The following UTRN variants were observed in gnomAD, a reference collection of about 807,000 sequenced individuals.
UTRN encodes utrophin.
UTRN carries 283 observed loss-of-function variants against 463.9 expected under a neutral mutation model. That is an observed-to-expected ratio of 0.61 (90% CI 0.55 to 0.67). UTRN has a LOEUF of 0.67. UTRN is among the 30% of genes least tolerant of loss of function. The probability of loss-of-function intolerance (pLI) is 0.00; values close to 1 mark genes in which losing one functional copy is unlikely to be tolerated. For synonymous variants in UTRN, 1,442 were observed against 1,431.5 expected (o/e 1.01, Z -0.17); for missense variants, 3,922 against 4,084.3 (o/e 0.96, Z 1.08).
chr6:144,344,801 G>A (rs761746834), intron 2 of UTRN, among the ~76,000 whole-genome samples: 1 of 152,196 alleles, frequency 6.6e-6, no homozygotes, highest in Admixed American at 6.5e-5. Flanking sequence ...TGTACTTTGG[G>A]GGACAGTATG....
intron 53 of UTRN, among the ~76,000 whole-genome samples, chr6:144,723,075 A>T (rs549217382): frequency 6.6e-6 from 1 of 152,244 alleles, no homozygotes; most frequent in East Asian, 1.9e-4. Flanking sequence ...GGGTTACCTC[A>T]TGGGTGAGAA....
chr6:144,499,339 G>A lies in UTRN; in HGVS notation c.4676G>A (p.Trp1559Ter). The change falls in exon 34 of 75, where the codon TGG becomes TAG. Residue 1559 changes from tryptophan to a stop codon, truncating the protein, a stop_gained. Coordinates refer to ENST00000367545, the MANE Select transcript of UTRN (RefSeq NM_007124.3). LOFTEE classifies it high-confidence loss of function. ...MKKEAASLSE[W>*]LSATETELVQ... is the part of the protein sequence containing the mutation. ...AAAGAGGCTGCTTCTCTCTCTGAAT[G>A]GCTTTCTGCTACTGAAACTGAATTG... 1 of 1,613,772 alleles carries A rather than the reference G, an allele frequency of 6.2e-7. No individual in the cohort carries two copies. Among genetic ancestry groups the A allele is most frequent in the Non-Finnish European group, 8.5e-7 (1 of 1,179,820 alleles).
In UTRN at chr6:144,485,005, C is replaced by T. The variant is rs559883499; in HGVS notation, c.3688-380C>T. On this transcript the variant is annotated intron_variant, in intron 27 of 74. Transcript: ENST00000367545. ...TCTCAGCTCACCGCAACCTCCGCCT[C>T]CCGGGTTCACGCCATTCTCCTGCCT... Among the ~76,000 whole-genome samples, 4 of 152,132 alleles carry T rather than the reference C, an allele frequency of 2.6e-5. No homozygotes were observed. The South Asian group carries it at 6.2e-4, about 24-fold the overall frequency.
intron 58 of UTRN, among the ~76,000 whole-genome samples, chr6:144,766,787 G>C (rs1371963958): frequency 2.0e-5 from 3 of 150,880 alleles, no homozygotes; most frequent in Non-Finnish European, 4.4e-5. Context: ...TTGAGGTAGG[G>C]GTGTGTGTGT....
intron 23 of UTRN, among the ~76,000 whole-genome samples, chr6:144,470,903 G>T (rs2128567399): frequency 6.6e-6 from 1 of 151,836 alleles, no homozygotes; most frequent in East Asian, 1.9e-4. Flanking sequence ...GCGCGCACCT[G>T]CGATCCCAGG....
intron 51 of UTRN, chr6:144,583,644 TCTA>T (rs1164249523): frequency 5.3e-6 from 3 of 561,434 alleles, no homozygotes; most frequent in Non-Finnish European, 6.6e-6. Context: ...GTCTGACAGT[TCTA>T]CTGTTTCTCA....
intron 58 of UTRN, among the ~76,000 whole-genome samples, chr6:144,768,953 G>T (rs66462017): frequency 0.27 from 27,787 of 101,416 alleles, 4,184 homozygotes; most frequent in African/African-American, 0.55. Flanking sequence ...TTTTTGTTTT[G>T]TTTTGTTTTT....
intron 2 of UTRN, among the ~76,000 whole-genome samples, chr6:144,294,939 G>A (rs1804553704): frequency 2.0e-5 from 3 of 152,166 alleles, no homozygotes; most frequent in Admixed American, 2.0e-4. Context: ...GGGTTTGGGT[G>A]AGTGTTAGAA....
chr6:144,331,191 A>G (rs1480027221), intron 2 of UTRN, among the ~76,000 whole-genome samples: 1 of 152,192 alleles, frequency 6.6e-6, no homozygotes, highest in Non-Finnish European at 1.5e-5. Context: ...TTTTTTCTAA[A>G]TAATGTCATG....
intron 61 of UTRN, among the ~76,000 whole-genome samples, chr6:144,784,642 T>C (rs1194739406): frequency 6.6e-6 from 1 of 152,236 alleles, no homozygotes; most frequent in Non-Finnish European, 1.5e-5. Context: ...CATATGCTCT[T>C]TTCACTGGAC....
At chr6:144,411,597 A>G (rs566230791) in intron 3 of UTRN, among the ~76,000 whole-genome samples, 9 of 152,206 alleles carry the variant, frequency 5.9e-5, no homozygotes, top group Non-Finnish European at 1.3e-4. Flanking sequence ...TGTCTGTATG[A>G]CTTGTGATTC....
intron 3 of UTRN, among the ~76,000 whole-genome samples, chr6:144,415,382 C>A (rs1784278719): frequency 6.6e-6 from 1 of 152,184 alleles, no homozygotes; most frequent in Non-Finnish European, 1.5e-5. Context: ...TGATCTATCT[C>A]TCTACTGGAA....
intron 2 of UTRN, among the ~76,000 whole-genome samples, chr6:144,395,861 T>C (rs1237864371): frequency 1.3e-5 from 2 of 152,198 alleles, no homozygotes; most frequent in Non-Finnish European, 2.9e-5. Flanking sequence ...GCTATACATT[T>C]TTTTTTAAAG....
rs188339134 is a variant in UTRN at position 144,757,494 on chromosome 6, T to C, written c.8435-435T>C. Among the ~76,000 whole-genome samples the C allele has an allele frequency of 1.2e-3, 181 of 152,234 alleles. 1 individual carries two copies. Among genetic ancestry groups the C allele is most frequent in the Non-Finnish European group, 3.2e-4 (22 of 67,958 alleles). On this transcript the variant is annotated intron_variant, in intron 57 of 74. Coordinates refer to ENST00000367545, the MANE Select transcript of UTRN (RefSeq NM_007124.3). ...TCAATAGCTACTCCTGTGACTACGA[T>C]GCAAAGTAAACAATGTTATTAGTCA...
At chr6:144,774,190 T>C in intron 59 of UTRN, 100 bp from the exon 60 acceptor site, 1 of 1,158,976 alleles carries the variant, frequency 8.6e-7, no homozygotes, top group Non-Finnish European at 1.2e-6. Context: ...CAGGCAAACA[T>C]AATATTTTTT....
Position 144,429,564 on chromosome 6 carries a change from T to C in UTRN, c.695-17T>C, listed in dbSNP as rs1262202435. On this transcript the variant is annotated splice_polypyrimidine_tract_variant and intron_variant, in intron 8 of 74. Transcript: ENST00000367545. ...GACACCTAATTTAAGCTGGTTCTTA[T>C]ATTCTTCCACTTTTAGATGTTGCCG... 1.3e-6 allele frequency: 2 copies of C among 1,587,694 alleles called. No homozygotes were observed. Among genetic ancestry groups the C allele is most frequent in the African/African-American group, 1.4e-5 (1 of 73,330 alleles).
At chr6:144,845,680 G>A (rs569401821) in intron 73 of UTRN, among the ~76,000 whole-genome samples, 31 of 152,278 alleles carry the variant, frequency 2.0e-4, no homozygotes, top group African/African-American at 7.0e-4. Context: ...TAAAAAGAGT[G>A]TGTAAACCTA....
intron 51 of UTRN, among the ~76,000 whole-genome samples, chr6:144,667,786 A>G (rs12663692): frequency 0.16 from 24,827 of 152,134 alleles, 2,235 homozygotes; most frequent in Middle Eastern, 0.28. Context: ...AACTATGATT[A>G]TAATGAGACT....
intron 53 of UTRN, among the ~76,000 whole-genome samples, chr6:144,722,826 G>A (rs1184719877): frequency 6.6e-6 from 1 of 152,142 alleles, no homozygotes; most frequent in Non-Finnish European, 1.5e-5. Context: ...TTCCAGACAT[G>A]TGAGTGAGGC....
Sources: allele counts gnomAD v4.1 joint callset (sites outside exome capture counted in the v4.1 genomes callset), GRCh38; gene constraint gnomAD v4.1.1; transcripts MANE v1.5; gene names NCBI Gene and HGNC (gene_info 2026-07-23, HGNC 2026-07-21).